CELSR2: variants seen among roughly 807,000 people sequenced by gnomAD.
The protein encoded by CELSR2 is cadherin EGF LAG seven-pass G-type receptor 2.
A neutral mutation model predicts 251.6 loss-of-function variants in CELSR2; 81 were observed. The observed-to-expected ratio is 0.32, with a 90% CI of 0.27 to 0.39. The LOEUF is 0.39. CELSR2 is among the 10% of genes least tolerant of loss of function. The probability of loss-of-function intolerance (pLI) is 1.00; values close to 1 mark genes in which losing one functional copy is unlikely to be tolerated. For synonymous variants in CELSR2, 1,721 were observed against 1,670.5 expected (o/e 1.03, Z -0.74); for missense variants, 3,365 against 3,947.7 (o/e 0.85, Z 3.96).
chr1:109,269,657 C>T lies in CELSR2; in HGVS notation c.6981-37C>T. 1 of 1,613,886 alleles carries T rather than the reference C, an allele frequency of 6.2e-7. No individual in the cohort carries two copies. Among genetic ancestry groups the T allele is most frequent in the East Asian group, 2.2e-5 (1 of 44,862 alleles). On this transcript the variant is annotated intron_variant, in intron 21 of 33. Coordinates refer to ENST00000271332, the MANE Select transcript of CELSR2 (RefSeq NM_001408.3). This position sits in a 1 kb window ranked among gnomAD's most constrained non-coding sequence, Gnocchi z 6.4. ...AAAGTCCAGGCCCCTGCATGCCTCA[C>T]CCTCCTTGTCTCCCTGACCCTGCCT...
Position 109,252,367 on chromosome 1 carries a change from A to T in CELSR2, c.2288A>T (p.Asp763Val). 6.2e-7 allele frequency: 1 copy of T among 1,613,108 alleles called. No homozygotes were observed. The highest frequency in any genetic ancestry group is 8.5e-7 in the Non-Finnish European group (1 of 1,180,016). Residue 763 changes from aspartate (D) to valine (V), a missense_variant, in exon 1 of 34, where the codon GAC becomes GTC. Coordinates refer to ENST00000271332, the MANE Select transcript of CELSR2 (RefSeq NM_001408.3). The surrounding 1 kb of genome is among the most constrained non-coding windows in gnomAD (Gnocchi z 4.8). ...ATCCCCCAGTTCCGCATCGATGCAG[A>T]CACGGGGGCTGTCACCACCCAGGCT... ...DSIPQFRIDA[D>V]TGAVTTQAEL...
intron 29 of CELSR2, 76 bp downstream of exon 29, chr1:109,272,481 G>C: frequency 6.4e-7 from 1 of 1,552,100 alleles, no homozygotes; most frequent in African/African-American, 1.4e-5. Context: ...GCCAGCTGTT[G>C]GGAGTTGAGG....
At position 109,258,589 on chromosome 1, in the gene CELSR2, G is replaced by T; in HGVS notation, c.3468G>T (p.Thr1156=). Reference sequence around the variant, plus strand: ...TCTTCATCCAGGCGGTGGCCGCCACGCTGGCCACGCCACCGGACCACGTGG... The same window carrying T: ...TCTTCATCCAGGCGGTGGCCGCCACTCTGGCCACGCCACCGGACCACGTGG... The part of the protein sequence containing the change: ...LGLFIQAVAA[T]LATPPDHVVV... Residue 1156 remains threonine, a synonymous_variant, in exon 2 of 34, where the codon ACG becomes ACT. Transcript: ENST00000271332. The T allele has an allele frequency of 6.3e-7, 1 of 1,596,240 alleles. No individual in the cohort carries two copies. The highest frequency in any genetic ancestry group is 8.5e-7 in the Non-Finnish European group (1 of 1,171,918).
intron 1 of CELSR2, among the ~76,000 whole-genome samples, chr1:109,256,486 A>G (rs1362170775): frequency 6.6e-6 from 1 of 152,192 alleles, no homozygotes; most frequent in Non-Finnish European, 1.5e-5. Flanking sequence ...CACCGCTGGT[A>G]CAGTCAGCCA....
In CELSR2 at chr1:109,270,010, C is replaced by T. The variant is rs1656322824; in HGVS notation, c.7185C>T (p.Phe2395=). The change falls in exon 23 of 34, where the codon TTC becomes TTT. Residue 2395 remains phenylalanine (F), a synonymous_variant. Coordinates refer to ENST00000271332, the MANE Select transcript of CELSR2 (RefSeq NM_001408.3). ...GVTLAALLLT[F]FFLTLLRILR... ...CCTTGGCTGCCCTTCTGCTCACCTTCTTCTTCCTCACTCTCTTGCGTATCC... is the reference window on the plus strand; with the variant it reads ...CCTTGGCTGCCCTTCTGCTCACCTTTTTCTTCCTCACTCTCTTGCGTATCC... 3.1e-6 allele frequency: 5 copies of T among 1,614,032 alleles called. No individual in the cohort carries two copies. The highest frequency in any genetic ancestry group is 3.4e-6 in the Non-Finnish European group (4 of 1,180,042).
At position 109,268,890 on chromosome 1, in the gene CELSR2, A is replaced by T. The variant is rs769932699; in HGVS notation, c.6513A>T (p.Val2171=). Residue 2171 remains valine, a synonymous_variant, in exon 19 of 34, where the codon GTA becomes GTT. Transcript: ENST00000271332. The part of the protein sequence containing the change: ...TIVTPNIVIS[V]VRLDKGNFAG... The stretch of plus-strand genomic sequence containing the variant: ...CATCCCCTTCCTTAGTCATCTCCGT[A>T]GTGCGCTTGGACAAAGGGAACTTTG... 31 of 1,609,818 alleles carry T rather than the reference A, an allele frequency of 1.9e-5. No homozygotes were observed. Among genetic ancestry groups the T allele is most frequent in the Non-Finnish European group, 2.5e-5 (30 of 1,176,856 alleles).
chr1:109,266,171 T>G lies in CELSR2; in HGVS notation c.5978T>G (p.Leu1993Arg), dbSNP rs1027045533. Residue 1993 changes from leucine (L) to arginine (R), a missense_variant, in exon 15 of 34, where the codon CTG (leucine) becomes CGG (arginine). Around this residue, in one of 5 missense-constraint regions of CELSR2, gnomAD observed 2,093 missense variants for 2,382.8 expected, o/e 0.88. Coordinates refer to ENST00000271332, the MANE Select transcript of CELSR2 (RefSeq NM_001408.3). ...GIWWPRTRFG[L>R]PAAAPCPKGS... ...TGGTGGCCCCGTACCCGCTTCGGGC[T>G]GCCTGCTGCTGCTCCCTGTCCCAAA... is the stretch of plus-strand genomic sequence containing the variant. 1 of 1,614,184 alleles carries G rather than the reference T, an allele frequency of 6.2e-7. No individual in the cohort carries two copies. Among genetic ancestry groups the G allele is most frequent in the Non-Finnish European group, 8.5e-7 (1 of 1,180,028 alleles).
In CELSR2 at chr1:109,265,933, A is replaced by G. The variant is rs751548414; in HGVS notation, c.5911+15A>G. 1 of 1,606,844 alleles carries G rather than the reference A, an allele frequency of 6.2e-7. No individual in the cohort carries two copies. The highest frequency in any genetic ancestry group is 1.3e-5 in the African/African-American group (1 of 74,830). ...TGGCTGTGAAGGTGGGGCTCCTGGG[A>G]TGGGTGGGCAGCCCTCCTTACAGTG... On this transcript the variant is annotated intron_variant, in intron 14 of 33. Coordinates refer to ENST00000271332, the MANE Select transcript of CELSR2 (RefSeq NM_001408.3).
intron 7 of CELSR2, 33 bp from the exon 8 acceptor site, chr1:109,263,109 C>T: frequency 6.3e-7 from 1 of 1,586,482 alleles, no homozygotes; most frequent in Middle Eastern, 1.7e-4. Context: ...AGCCCCAGCT[C>T]AGGTCCACTG....
intron 15 of CELSR2, chr1:109,266,559 A>ATTTTTTTTTTTTTTTTTTTTT (rs35994599): frequency 8.4e-5 from 7 of 83,690 alleles, no homozygotes; most frequent in Admixed American, 3.2e-4. Context: ...CACCTGGCTA[A>ATTTTTTTTTTTTTTTTTTTTT]TTTTTTTTTT....
intron 8 of CELSR2, 99 bp downstream of exon 8, chr1:109,263,366 G>A: frequency 1.6e-5 from 23 of 1,478,790 alleles, no homozygotes; most frequent in Non-Finnish European, 2.0e-5. Context: ...CTGCTGAGCG[G>A]GGCTGTGGGT....
rs1656418554 is a variant in CELSR2 at position 109,273,045 on chromosome 1, C to T, written c.8338+18C>T. Reference sequence around the variant, plus strand: ...TCCCAAGGGTGGGCCAGCACTGGGGCTGTGGCCTTTGGGGCCAGTGGGAGG... The same window carrying T: ...TCCCAAGGGTGGGCCAGCACTGGGGTTGTGGCCTTTGGGGCCAGTGGGAGG... On this transcript the variant is annotated intron_variant, in intron 31 of 33. Transcript: ENST00000271332. The T allele has an allele frequency of 1.2e-6, 2 of 1,601,894 alleles. No individual in the cohort carries two copies. Among genetic ancestry groups the T allele is most frequent in the Admixed American group, 1.7e-5 (1 of 59,108 alleles).
Position 109,269,582 on chromosome 1 carries a change from A to T in CELSR2, c.6971A>T (p.His2324Leu). The T allele has an allele frequency of 1.2e-6, 2 of 1,614,084 alleles. No homozygotes were observed. The highest frequency in any genetic ancestry group is 1.7e-6 in the Non-Finnish European group (2 of 1,180,004). ...RTKPICVFWN[H>L]SILVSGTGGW... ...AAGCCCATCTGTGTCTTCTGGAACC[A>T]TTCAATCCTGTGAGCCTGCACTGCC... The change falls in exon 21 of 34, where the codon CAT (histidine) becomes CTT (leucine). Residue 2324 changes from histidine to leucine, a missense_variant. Physicochemically the swap from His to Leu is moderately conservative, Grantham distance 99. Transcript: ENST00000271332. This position sits in a 1 kb window ranked among gnomAD's most constrained non-coding sequence, Gnocchi z 6.4.
At position 109,271,001 on chromosome 1, in the gene CELSR2, A is replaced by G. The variant is rs1185940112; in HGVS notation, c.7558A>G (p.Ile2520Val). ...FCWLSIYDTL[I>V]WSFAGPVAFA... ...CTGGCTCTCCATCTATGACACGCTC[A>G]TCTGGAGTTTTGCTGGCCCGGTGGC... is the stretch of plus-strand genomic sequence containing the variant. Residue 2520 changes from isoleucine (I) to valine (V), a missense_variant, in exon 25 of 34, where the codon ATC (isoleucine) becomes GTC (valine). Coordinates refer to ENST00000271332, the MANE Select transcript of CELSR2 (RefSeq NM_001408.3). The G allele has an allele frequency of 1.2e-6, 2 of 1,612,404 alleles. No individual in the cohort carries two copies. Among genetic ancestry groups the G allele is most frequent in the African/African-American group, 2.7e-5 (2 of 74,374 alleles).
In CELSR2 at chr1:109,252,839, C is replaced by T; in HGVS notation, c.2760C>T (p.Val920=). 6.2e-7 allele frequency: 1 copy of T among 1,613,958 alleles called. No homozygotes were observed. Among genetic ancestry groups the T allele is most frequent in the Admixed American group, 1.7e-5 (1 of 60,022 alleles). ...TGGATGTGAATGACAATCCCCCTGT[C>T]TTTGAGCAGGATGAGTTTGATGTGT... ...TVLDVNDNPP[V]FEQDEFDVFV... Residue 920 remains valine, a synonymous_variant, in exon 1 of 34, where the codon GTC becomes GTT. Transcript: ENST00000271332. This position sits in a 1 kb window ranked among gnomAD's most constrained non-coding sequence, Gnocchi z 4.8.
In CELSR2 at chr1:109,258,791, G is replaced by C. The variant is rs1157316793; in HGVS notation, c.3670G>C (p.Val1224Leu). 6.2e-7 allele frequency: 1 copy of C among 1,608,496 alleles called. No homozygotes were observed. The highest frequency in any genetic ancestry group is 8.5e-7 in the Non-Finnish European group (1 of 1,177,678). ...SLLTAISAQR[V>L]LPFDDNICLR... ...GCTGACGGCCATCTCGGCACAGCGC[G>C]TGCTGCCCTTCGACGACAACATCTG... The change falls in exon 2 of 34, where the codon GTG (valine) becomes CTG (leucine). Residue 1224 changes from valine to leucine, a missense_variant. By Grantham distance (32) the Val-to-Leu change is conservative. Around this residue, in one of 5 missense-constraint regions of CELSR2, gnomAD observed 2,093 missense variants for 2,382.8 expected, o/e 0.88. Transcript: ENST00000271332.
rs1424899620 is a variant in CELSR2, at chr1:109,265,874, G to T, written c.5867G>T (p.Arg1956Leu). The T allele has an allele frequency of 1.1e-5, 17 of 1,613,936 alleles. No homozygotes were observed. Among genetic ancestry groups the T allele is most frequent in the Non-Finnish European group, 1.3e-5 (15 of 1,179,978 alleles). The change falls in exon 14 of 34, where the codon CGC becomes CTC. Residue 1956 changes from arginine to leucine, a missense_variant. Transcript: ENST00000271332. ...KPGVIGRQCD[R>L]CDNPFAEVTT... ...GGTGTCATCGGGCGTCAGTGTGACC[G>T]CTGTGACAACCCTTTTGCTGAGGTC...
chr1:109,253,892 AG>A (rs1655775272), intron 1 of CELSR2, among the ~76,000 whole-genome samples: 1 of 152,244 alleles, frequency 6.6e-6, no homozygotes, highest in Admixed American at 6.5e-5. Context: ...AGGACCCTGT[AG>A]TCCTCTTCTG....
At chr1:109,271,860 G>T (rs1656380999) in intron 28 of CELSR2, 138 bp downstream of exon 28, 2 of 1,163,040 alleles carry the variant, frequency 1.7e-6, no homozygotes, top group Non-Finnish European at 1.2e-6. Context: ...GTGAAATGCT[G>T]TGTTCGGCCT....
Sources: gnomAD v4.1 joint callset for allele counts (sites outside exome capture counted in the v4.1 genomes callset) on GRCh38, gnomAD v4.1.1 for gene constraint, gnomAD v4.1.1 regional missense constraint, Gnocchi (gnomAD v3.1) non-coding constraint, MANE v1.5 for transcripts, NCBI Gene and HGNC (gene_info 2026-07-23, HGNC 2026-07-21) for gene names.